The following DIP2C variants were observed in gnomAD, a reference collection of about 807,000 sequenced individuals.
The protein encoded by DIP2C is disco-interacting protein 2 homolog C.
DIP2C carries 33 observed loss-of-function variants against 192.4 expected under a neutral mutation model. The ratio of observed to expected loss-of-function variants is 0.17; its 90% CI spans 0.13 to 0.23. The LOEUF is 0.23. Ranked by LOEUF, DIP2C falls within the 10% of genes least tolerant of loss-of-function variation. The probability of loss-of-function intolerance (pLI) is 1.00; values close to 1 mark genes in which losing one functional copy is unlikely to be tolerated. For missense variants in DIP2C, 1,537 were observed against 2,110.1 expected, an observed-to-expected ratio of 0.73 and a Z score of 5.32; for synonymous variants, 979 against 864.1, an observed-to-expected ratio of 1.13 and a Z score of -2.33.
chr10:639,508 C>A (rs1024462318), intron 1 of DIP2C, among the ~76,000 whole-genome samples: 1 of 152,314 alleles, frequency 6.6e-6, no homozygotes, highest in East Asian at 1.9e-4. Flanking sequence ...GGGTGCTGCC[C>A]GGCTCTCAGT....
intron 1 of DIP2C, among the ~76,000 whole-genome samples, chr10:540,346 C>A (rs1256117071): frequency 1.3e-5 from 2 of 152,256 alleles, no homozygotes; most frequent in East Asian, 3.8e-4. Context: ...CAAGTGCCCC[C>A]GTCACAGGGG....
chr10:276,038 T>C lies in DIP2C; in HGVS notation c.*1287A>G, dbSNP rs1176594402. Reference sequence around the variant, plus strand: ...CAGAGGGGGAATCAATGCAACCCAGTGCGAATGACCACAGAATCGCATTCC... The same window carrying C: ...CAGAGGGGGAATCAATGCAACCCAGCGCGAATGACCACAGAATCGCATTCC... On this transcript the variant is annotated 3_prime_UTR_variant, in exon 37 of 37. Coordinates refer to ENST00000280886, the MANE Select transcript of DIP2C (RefSeq NM_014974.3). 1.3e-5 allele frequency: 2 copies of C among 152,258 alleles called. No individual in the cohort carries two copies. Among genetic ancestry groups the C allele is most frequent in the Non-Finnish European group, 2.9e-5 (2 of 68,040 alleles). 9.4% of individuals were successfully genotyped at this position (152,258 alleles called of 1,614,324 possible).
chr10:553,876 G>A (rs1278572252), intron 1 of DIP2C, among the ~76,000 whole-genome samples: 2 of 147,772 alleles, frequency 1.4e-5, no homozygotes, highest in East Asian at 4.0e-4. Flanking sequence ...CAGTGAACAG[G>A]CAAGAAATAT....
At chr10:667,307 G>A (rs1476949908) in intron 1 of DIP2C, 6 of 152,564 alleles carry the variant, frequency 3.9e-5, no homozygotes, top group African/African-American at 9.6e-5. Flanking sequence ...GATGGCCCAC[G>A]GCAGGCTGAG....
chr10:419,785 AAAC>A (rs749583947), intron 5 of DIP2C, among the ~76,000 whole-genome samples: 42 of 152,310 alleles, frequency 2.8e-4, no homozygotes, highest in African/African-American at 5.8e-4. Context: ...CTCTTAGTAC[AAAC>A]AACAACAGTC....
Position 327,058 on chromosome 10 carries a change from C to A in DIP2C, c.3872G>T (p.Arg1291Leu). 1 of 1,614,148 alleles carries A rather than the reference C, an allele frequency of 6.2e-7. No homozygotes were observed. The highest frequency in any genetic ancestry group is 2.2e-5 in the East Asian group (1 of 44,878). ...KLFKDLGLHP[R>L]AVSTSFGCRV... ...GCAACCGAACGAGGTGCTGACGGCC[C>A]GCGGGTGAAGGCCCAGGTCCTTAAA... The change falls in exon 31 of 37, where the codon CGG becomes CTG. Residue 1291 changes from arginine (R) to leucine (L), a missense_variant. By Grantham distance (102) the Arg-to-Leu change is moderately radical (BLOSUM62 -2). Coordinates refer to ENST00000280886, the MANE Select transcript of DIP2C (RefSeq NM_014974.3).
At chr10:304,574 C>T (rs1325749710) in intron 32 of DIP2C, among the ~76,000 whole-genome samples, 1 of 141,832 alleles carries the variant, frequency 7.1e-6, no homozygotes, top group Non-Finnish European at 1.6e-5. Context: ...CACACACACA[C>T]TTCCACATAT....
At chr10:622,448 T>C (rs1220688035) in intron 1 of DIP2C, among the ~76,000 whole-genome samples, 2 of 150,400 alleles carry the variant, frequency 1.3e-5, no homozygotes, top group African/African-American at 4.9e-5. Flanking sequence ...GCAGCTGCAT[T>C]GCAGTGAGAA....
intron 1 of DIP2C, among the ~76,000 whole-genome samples, chr10:515,911 A>G (rs1349626295): frequency 6.6e-6 from 1 of 151,982 alleles, no homozygotes; most frequent in Non-Finnish European, 1.5e-5. Context: ...GGACCCAATA[A>G]CACTGAACTA....
intron 1 of DIP2C, among the ~76,000 whole-genome samples, chr10:632,872 C>T (rs887852175): frequency 1.5e-5 from 2 of 132,688 alleles, no homozygotes; most frequent in African/African-American, 2.9e-5. Context: ...ACGCGGGCAC[C>T]GGTGTGAACC....
rs1397374090 is a variant in DIP2C, at chr10:569,381, C to T, written c.86-82851G>A. Among the ~76,000 whole-genome samples, 9 of 152,090 alleles carry T rather than the reference C, an allele frequency of 5.9e-5. 1 individual carries two copies. Among genetic ancestry groups the T allele is most frequent in the African/African-American group, 1.9e-4 (8 of 41,476 alleles). On this transcript the variant is annotated intron_variant, in intron 1 of 36. Coordinates refer to ENST00000280886, the MANE Select transcript of DIP2C (RefSeq NM_014974.3). ...ACACAGATTTGAGTTTTGTAAAAGCCAAAACAAGGGAGGCAATTCAGCTAA... is the reference window on the plus strand; with the variant it reads ...ACACAGATTTGAGTTTTGTAAAAGCTAAAACAAGGGAGGCAATTCAGCTAA...
chr10:395,560 C>A (rs1215427384), intron 10 of DIP2C, among the ~76,000 whole-genome samples: 1 of 152,236 alleles, frequency 6.6e-6, no homozygotes, highest in Non-Finnish European at 1.5e-5. Flanking sequence ...TATCCCATGA[C>A]CACTGGTTGG....
chr10:302,850 G>A (rs1430632521), intron 32 of DIP2C, among the ~76,000 whole-genome samples: 3 of 152,224 alleles, frequency 2.0e-5, no homozygotes, highest in Non-Finnish European at 4.4e-5. Context: ...ACGGGAAGCT[G>A]CTCTGGGTGA....
intron 1 of DIP2C, among the ~76,000 whole-genome samples, chr10:557,331 C>A (rs997938449): frequency 1.3e-5 from 2 of 152,100 alleles, no homozygotes; most frequent in Non-Finnish European, 2.9e-5. Flanking sequence ...GGGGACAGGG[C>A]CAGAACCACT....
chr10:355,764 A>G (rs952152122), intron 24 of DIP2C, among the ~76,000 whole-genome samples: 2 of 152,330 alleles, frequency 1.3e-5, no homozygotes, highest in South Asian at 2.1e-4. Context: ...TGCAATAAAC[A>G]TAACTTCTGG....
At chr10:528,209 C>T (rs1006423995) in intron 1 of DIP2C, among the ~76,000 whole-genome samples, 1 of 152,166 alleles carries the variant, frequency 6.6e-6, no homozygotes, top group Admixed American at 6.5e-5. Flanking sequence ...CCTTACCTAC[C>T]CTAGTCAGGA....
intron 1 of DIP2C, among the ~76,000 whole-genome samples, chr10:534,612 C>CA (rs367969059): frequency 7.2e-5 from 11 of 152,266 alleles, no homozygotes; most frequent in East Asian, 3.9e-4. Flanking sequence ...AACTACCTTC[C>CA]AGCCCCATCT....
chr10:627,363 G>A (rs1012944160), intron 1 of DIP2C, among the ~76,000 whole-genome samples: 7 of 152,222 alleles, frequency 4.6e-5, no homozygotes, highest in African/African-American at 7.2e-5. Context: ...GTCACCAGCC[G>A]CTCTGCCGTA....
intron 31 of DIP2C, among the ~76,000 whole-genome samples, chr10:326,441 G>A (rs1295098229): frequency 6.6e-6 from 1 of 152,184 alleles, no homozygotes; most frequent in Non-Finnish European, 1.5e-5. Flanking sequence ...TGCCTCACCA[G>A]CACCTGCTGA....
Sources: allele counts gnomAD v4.1 joint callset (sites outside exome capture counted in the v4.1 genomes callset), GRCh38; gene constraint gnomAD v4.1.1; transcripts MANE v1.5; gene names NCBI Gene and HGNC (gene_info 2026-07-23, HGNC 2026-07-21).